The following PTPRD variants were observed in gnomAD, a reference collection of about 807,000 sequenced individuals.
PTPRD encodes the protein protein tyrosine phosphatase receptor type D.
A neutral mutation model predicts 214.5 loss-of-function variants in PTPRD; 34 were observed. The ratio of observed to expected loss-of-function variants is 0.16; its 90% confidence interval spans 0.12 to 0.21. The LOEUF (loss-of-function observed/expected upper bound fraction) is 0.21. Ranked by LOEUF, PTPRD falls within the 10% of genes least tolerant of loss-of-function variation. The pLI is 1.00. For missense variants in PTPRD, 2,545 were observed against 2,398.7 expected, an observed-to-expected ratio of 1.06 and a Z score of -1.27; for synonymous variants, 1,128 against 845.7, an observed-to-expected ratio of 1.33 and a Z score of -5.79.
intron 3 of PTPRD, among the ~76,000 whole-genome samples, chr9:10,096,992 G>A (rs1490263190): frequency 6.6e-6 from 1 of 151,870 alleles, no homozygotes; most frequent in East Asian, 1.9e-4. Context: ...TATTAAATAG[G>A]GAATCCTTTC....
At chr9:8,629,276 T>C (rs1271890313) in intron 14 of PTPRD, among the ~76,000 whole-genome samples, 1 of 151,854 alleles carries the variant, frequency 6.6e-6, no homozygotes, top group Non-Finnish European at 1.5e-5. Flanking sequence ...GCAAGTACCC[T>C]TGGACTCTTA....
intron 2 of PTPRD, among the ~76,000 whole-genome samples, chr9:10,573,272 C>G (rs527512763): frequency 6.6e-6 from 1 of 152,084 alleles, no homozygotes; most frequent in Non-Finnish European, 1.5e-5. Flanking sequence ...AAAACACACA[C>G]GAATGTTGAA....
At chr9:9,112,274 C>G (rs969978335) in intron 10 of PTPRD, among the ~76,000 whole-genome samples, 1 of 152,144 alleles carries the variant, frequency 6.6e-6, no homozygotes, top group Non-Finnish European at 1.5e-5. Flanking sequence ...CCAAATGGTA[C>G]ATTTTCACTT....
intron 7 of PTPRD, among the ~76,000 whole-genome samples, chr9:9,575,494 G>C (rs1591980967): frequency 6.6e-6 from 1 of 151,920 alleles, no homozygotes; most frequent in Non-Finnish European, 1.5e-5. Context: ...GCCGAGGTGG[G>C]TAGATCACAA....
rs763525789 is a variant in PTPRD at position 8,331,724 on chromosome 9, G to A, written c.5392C>T (p.Arg1798Ter). ...GTGAACTGGAACTGCCTTACTGTTCGGGACTGGCCGTCCTTTAGAAGGAAA... is the reference window on the plus strand; with the variant it reads ...GTGAACTGGAACTGCCTTACTGTTCAGGACTGGCCGTCCTTTAGAAGGAAA... ...KVTDARDGQS[R>*]TVRQFQFTDW... Residue 1798 changes from arginine to a stop codon, truncating the protein, a stop_gained, in exon 44 of 46, where the codon CGA becomes TGA. Coordinates refer to ENST00000381196, the MANE Select transcript of PTPRD (RefSeq NM_002839.4). LOFTEE classifies it high-confidence loss of function. 4 of 1,599,476 alleles carry A rather than the reference G, an allele frequency of 2.5e-6. No homozygotes were observed. The highest frequency in any genetic ancestry group is 1.7e-5 in the Admixed American group (1 of 57,310).
At chr9:9,494,158 T>C (rs866356949) in intron 8 of PTPRD, among the ~76,000 whole-genome samples, 12 of 152,304 alleles carry the variant, frequency 7.9e-5, no homozygotes, top group Middle Eastern at 6.8e-3. Context: ...CATGAGGAGT[T>C]GCTTCTTATA....
intron 2 of PTPRD, among the ~76,000 whole-genome samples, chr9:10,580,594 G>C (rs970422145): frequency 6.6e-6 from 1 of 152,036 alleles, no homozygotes; most frequent in Non-Finnish European, 1.5e-5. Flanking sequence ...TGGCAGTCTA[G>C]GTGAAAGAGT....
At chr9:9,859,294 T>C (rs2062189028) in intron 5 of PTPRD, among the ~76,000 whole-genome samples, 1 of 152,180 alleles carries the variant, frequency 6.6e-6, no homozygotes, top group African/African-American at 2.4e-5. Flanking sequence ...TTTATAGTAG[T>C]GTGAAAACAG....
intron 7 of PTPRD, among the ~76,000 whole-genome samples, chr9:9,592,025 T>C (rs1045633227): frequency 1.3e-5 from 2 of 152,104 alleles, no homozygotes; most frequent in African/African-American, 4.8e-5. Flanking sequence ...CTTGTTTTGA[T>C]TTTTTATGTC....
intron 12 of PTPRD, 58 bp from the exon 13 acceptor site, chr9:8,636,902 C>T: frequency 6.4e-7 from 1 of 1,554,468 alleles, no homozygotes; most frequent in Non-Finnish European, 8.8e-7. Flanking sequence ...GACTATTATC[C>T]TACTACCGCT....
In PTPRD at chr9:9,388,569, A is replaced by G. The variant is rs564974927; in HGVS notation, c.-203+8880T>C. On this transcript the variant is annotated intron_variant, in intron 9 of 45. Coordinates refer to ENST00000381196, the MANE Select transcript of PTPRD (RefSeq NM_002839.4). ...ACAGTCAGGTACTGAAGAGAAAGCA[A>G]TGGTGAATGATTCTAAGGCTTCATT... is the stretch of plus-strand genomic sequence containing the variant. Among the ~76,000 whole-genome samples, 135 of 152,284 alleles carry G rather than the reference A, an allele frequency of 8.9e-4. No homozygotes were observed. The South Asian group carries it at 0.027, about 30-fold the overall frequency.
chr9:9,446,283 G>A (rs537306276), intron 8 of PTPRD, among the ~76,000 whole-genome samples: 1 of 152,128 alleles, frequency 6.6e-6, no homozygotes, highest in East Asian at 1.9e-4. Flanking sequence ...GTCCTCCCAA[G>A]TGTTGAGGAT....
In PTPRD at chr9:8,544,223, G is replaced by C. The variant is rs535402510; in HGVS notation, c.353-15444C>G. Among the ~76,000 whole-genome samples the C allele has an allele frequency of 2.3e-3, 316 of 139,930 alleles. 2 individuals are homozygous for C. Among genetic ancestry groups the C allele is most frequent in the Non-Finnish European group, 3.4e-3 (224 of 65,804 alleles). The allele number at this position is 139,930 out of a possible 152,430, so 91.8% of individuals were successfully genotyped here. A position where few individuals can be genotyped will look rare whatever the true frequency, so the allele number is the denominator to read the frequency against. On this transcript the variant is annotated intron_variant, in intron 14 of 45. Transcript: ENST00000381196. ...TGCTTTTTGCCCAGTCTGGAGGGCAGTGGTGCCATCTTGGCTCACTGCAAC... is the reference window on the plus strand; with the variant it reads ...TGCTTTTTGCCCAGTCTGGAGGGCACTGGTGCCATCTTGGCTCACTGCAAC...
chr9:9,699,460 T>C (rs1455751089), intron 7 of PTPRD, among the ~76,000 whole-genome samples: 1 of 152,178 alleles, frequency 6.6e-6, no homozygotes, highest in Non-Finnish European at 1.5e-5. Context: ...ATTAGGGTCT[T>C]TGGTGCCACA....
At chr9:9,740,918 A>G (rs1302098829) in intron 6 of PTPRD, among the ~76,000 whole-genome samples, 1 of 152,176 alleles carries the variant, frequency 6.6e-6, no homozygotes, top group African/African-American at 2.4e-5. Flanking sequence ...AGATGGTAGT[A>G]TATTCTATGT....
intron 8 of PTPRD, among the ~76,000 whole-genome samples, chr9:9,412,146 T>C (rs1587676221): frequency 6.6e-6 from 1 of 152,244 alleles, no homozygotes; most frequent in Non-Finnish European, 1.5e-5. Flanking sequence ...TTTTTTCTTT[T>C]CTTTTCTTTT....
chr9:10,429,929 C>A (rs1156776197), intron 2 of PTPRD, among the ~76,000 whole-genome samples: 2 of 151,870 alleles, frequency 1.3e-5, no homozygotes, highest in Non-Finnish European at 2.9e-5. Context: ...AAAATATTTT[C>A]ATTGTAAAAG....
intron 2 of PTPRD, among the ~76,000 whole-genome samples, chr9:10,546,012 T>A (rs2060098131): frequency 6.6e-6 from 1 of 151,970 alleles, no homozygotes; most frequent in Admixed American, 6.6e-5. Flanking sequence ...AAAGTAACAT[T>A]TTTTTTAAAA....
intron 2 of PTPRD, among the ~76,000 whole-genome samples, chr9:10,426,342 T>C (rs1014691755): frequency 1.3e-5 from 2 of 152,046 alleles, no homozygotes; most frequent in East Asian, 3.9e-4. Context: ...GCCCTCATTC[T>C]TGCTTTTTCT....
Sources: gnomAD v4.1 joint callset for allele counts (sites outside exome capture counted in the v4.1 genomes callset) on GRCh38, gnomAD v4.1.1 for gene constraint, MANE v1.5 for transcripts, NCBI Gene and HGNC (gene_info 2026-07-23, HGNC 2026-07-21) for gene names.